Variants in MTMR10 observed in about 807,000 individuals in gnomAD.
MTMR10 encodes myotubularin related protein 10.
A neutral mutation model predicts 88.1 loss-of-function variants in MTMR10; 56 were observed. That is an observed-to-expected ratio of 0.64 (90% CI 0.51 to 0.79). The LOEUF (loss-of-function observed/expected upper bound fraction) is 0.79, where lower values mean the gene tolerates loss of function less well. Among genes scored for constraint, MTMR10 ranks in the 30% least tolerant of loss-of-function variants. MTMR10 has a pLI of 0.00. For missense variants in MTMR10, 883 were observed against 924.7 expected, an observed-to-expected ratio of 0.95 and a Z score of 0.58; for synonymous variants, 380 against 340.9, an observed-to-expected ratio of 1.11 and a Z score of -1.26.
chr15:30,961,240 C>CT lies in MTMR10; in HGVS notation c.566-168dup, dbSNP rs879764694. On this transcript the variant is annotated intron_variant, in intron 6 of 15. Coordinates refer to ENST00000435680, the MANE Select transcript of MTMR10 (RefSeq NM_017762.3). ...TGCCCTTTCCATTTAAAAATAACTCCTTTTTTTTTTTTTGACGGAGTCTCG... is the reference window on the plus strand; with the variant it reads ...TGCCCTTTCCATTTAAAAATAACTCCTTTTTTTTTTTTTTGACGGAGTCTCG... 6.5e-3 allele frequency among the ~76,000 whole-genome samples: 943 copies of CT among 146,064 alleles called. 3 individuals are homozygous for CT. The highest frequency in any genetic ancestry group is 8.9e-3 in the Non-Finnish European group (589 of 66,034).
At chr15:30,969,501 C>G (rs1453881119) in intron 5 of MTMR10, among the ~76,000 whole-genome samples, 1 of 152,110 alleles carries the variant, frequency 6.6e-6, no homozygotes, top group East Asian at 1.9e-4. Flanking sequence ...AGCTATGTTG[C>G]ACTTTTCTCT....
chr15:30,944,949 T>G (rs1040085087), intron 14 of MTMR10, among the ~76,000 whole-genome samples: 2 of 151,692 alleles, frequency 1.3e-5, no homozygotes, highest in East Asian at 3.9e-4. Flanking sequence ...GAGGCAGAGG[T>G]TGCAGTGAGC....
the MTMR10 span, among the ~76,000 whole-genome samples, chr15:30,919,559 C>T: frequency 6.6e-6 from 1 of 150,860 alleles, no homozygotes; most frequent in Admixed American, 6.6e-5. Context: ...GGTGTTGTGA[C>T]GAGTGTCTGT....
At position 30,947,111 on chromosome 15, in the gene MTMR10, C is replaced by G. The variant is rs752382458; in HGVS notation, c.1548+19G>C. ...TGTAAAAACAGGGAAAACGTAGCCA[C>G]AGCCACAGGGTTGCTTACCGTGCTT... On this transcript the variant is annotated intron_variant, in intron 14 of 15. Transcript: ENST00000435680. 1 of 1,570,622 alleles carries G rather than the reference C, an allele frequency of 6.4e-7. No homozygotes were observed. Among genetic ancestry groups the G allele is most frequent in the South Asian group, 1.2e-5 (1 of 84,118 alleles).
At chr15:30,965,701 C>T (rs891495040) in intron 6 of MTMR10, among the ~76,000 whole-genome samples, 10 of 152,176 alleles carry the variant, frequency 6.6e-5, no homozygotes, top group Admixed American at 2.0e-4. Context: ...AGGATATTCA[C>T]AGAAGTGTTG....
chr15:30,964,021 A>C (rs1343747265), intron 6 of MTMR10, among the ~76,000 whole-genome samples: 2 of 150,814 alleles, frequency 1.3e-5, no homozygotes, highest in South Asian at 2.1e-4. Context: ...AAAAAAAAAA[A>C]CCCAACAACG....
chr15:30,959,154 G>C, intron 7 of MTMR10, 33 bp from the exon 8 acceptor site: 1 of 1,530,214 alleles, frequency 6.5e-7, no homozygotes, highest in Non-Finnish European at 8.9e-7. Flanking sequence ...TATGAGTGCT[G>C]TGCTAAAAGC....
At chr15:30,962,821 G>A (rs1452694210) in intron 6 of MTMR10, among the ~76,000 whole-genome samples, 3 of 152,194 alleles carry the variant, frequency 2.0e-5, no homozygotes, top group African/African-American at 7.2e-5. Context: ...CCTAACTCTC[G>A]CTGCAGAGAG....
intron 5 of MTMR10, among the ~76,000 whole-genome samples, chr15:30,972,030 C>T (rs539330057): frequency 6.6e-6 from 1 of 152,062 alleles, no homozygotes; most frequent in African/African-American, 2.4e-5. Flanking sequence ...TTTTTCAAAA[C>T]AAAAACATAA....
intron 2 of MTMR10, among the ~76,000 whole-genome samples, chr15:30,985,990 T>C (rs984410197): frequency 6.6e-6 from 1 of 151,972 alleles, no homozygotes; most frequent in East Asian, 1.9e-4. Context: ...AAAGGATAAT[T>C]TGTCAAAAGA....
chr15:30,958,027 C>G (rs1181137577), intron 9 of MTMR10, among the ~76,000 whole-genome samples: 6 of 152,118 alleles, frequency 3.9e-5, no homozygotes, highest in Admixed American at 3.9e-4. Context: ...CAGGATGACC[C>G]CCCGGTTTCT....
chr15:30,964,136 G>A (rs1371033849), intron 6 of MTMR10, among the ~76,000 whole-genome samples: 1 of 152,142 alleles, frequency 6.6e-6, no homozygotes, highest in Non-Finnish European at 1.5e-5. Flanking sequence ...GTGAAATTAT[G>A]CCTGCTAATA....
rs1235099754 is a variant in MTMR10, at chr15:30,940,938, G to A, written c.*532C>T. On this transcript the variant is annotated 3_prime_UTR_variant, in exon 16 of 16. Transcript: ENST00000435680. ...ATGATTTCAAAACACAGTGATCTAA[G>A]GTTCCAAAGAAGGTGATCTAAAATC... is the stretch of plus-strand genomic sequence containing the variant. 1.0e-5 allele frequency: 11 copies of A among 1,083,434 alleles called. No individual in the cohort carries two copies. The highest frequency in any genetic ancestry group is 5.1e-5 in the African/African-American group (3 of 59,032). The allele number at this position is 1,083,434 out of a possible 1,614,324, so 67.1% of individuals were successfully genotyped here. A position where few individuals can be genotyped will look rare whatever the true frequency, so the allele number is the denominator to read the frequency against.
chr15:30,929,294 A>G, the MTMR10 span: 2 of 1,613,036 alleles, frequency 1.2e-6, no homozygotes, highest in East Asian at 2.2e-5. Flanking sequence ...GATGCCCCCG[A>G]GGAGAGCCTG....
the MTMR10 span, among the ~76,000 whole-genome samples, chr15:30,923,616 C>T: frequency 6.6e-6 from 1 of 152,206 alleles, no homozygotes; most frequent in Non-Finnish European, 1.5e-5. Context: ...CTGCAGCCAG[C>T]CCCGGCCTGG....
downstream of MTMR10, among the ~76,000 whole-genome samples, chr15:30,934,857 TGTG>T (rs1050895911): frequency 1.3e-5 from 2 of 152,238 alleles, no homozygotes; most frequent in Non-Finnish European, 1.5e-5. Context: ...TTCCAGCCTT[TGTG>T]GTGTTTTCAT....
the MTMR10 span, chr15:30,924,962 A>G: frequency 4.6e-6 from 3 of 658,028 alleles, no homozygotes; most frequent in Non-Finnish European, 7.3e-6. Flanking sequence ...TGAAATCCTC[A>G]GAATAAGATC....
intron 14 of MTMR10, among the ~76,000 whole-genome samples, chr15:30,945,937 C>G (rs1182790060): frequency 1.3e-5 from 2 of 152,226 alleles, no homozygotes; most frequent in African/African-American, 4.8e-5. Flanking sequence ...CACAGGTGCG[C>G]ACCACCATGT....
At chr15:30,988,334 G>A (rs7174022) in intron 2 of MTMR10, among the ~76,000 whole-genome samples, 2,264 of 152,288 alleles carry the variant, frequency 0.015, 56 homozygotes, top group African/African-American at 0.052. Flanking sequence ...GTAAGGATAA[G>A]TCAGGTACAA....
Sources: gnomAD v4.1 joint callset for allele counts (sites outside exome capture counted in the v4.1 genomes callset) on GRCh38, gnomAD v4.1.1 for gene constraint, MANE v1.5 for transcripts, NCBI Gene and HGNC (gene_info 2026-07-23, HGNC 2026-07-21) for gene names.